Variants in ZNF714 observed in about 807,000 individuals in gnomAD.
ZNF714 encodes zinc finger protein 714.
ZNF714 carries 32 observed loss-of-function variants against 46.2 expected under a neutral mutation model. The ratio of observed to expected loss-of-function variants is 0.69; its 90% CI spans 0.52 to 0.93. ZNF714 has a LOEUF of 0.93. Among genes scored for constraint, ZNF714 ranks in the 40% least tolerant of loss-of-function variants. The pLI is 0.00. For missense variants in ZNF714, 635 were observed against 646.3 expected, an observed-to-expected ratio of 0.98 and a Z score of 0.19; for synonymous variants, 199 against 213.1, an observed-to-expected ratio of 0.93 and a Z score of 0.58.
Position 21,122,233 on chromosome 19 carries a change from CA to C in ZNF714, c.*3904del, listed in dbSNP as rs1163029303. On this transcript the variant is annotated 3_prime_UTR_variant, in exon 5 of 5. Coordinates refer to ENST00000456283, the MANE Select transcript of ZNF714 (RefSeq NM_182515.4). ...GTAATCGATGCTCCATAATAATTCA[CA>C]AATATTCCTGCTGGAGTTAGTTTGT... 6 of 152,164 alleles carry C rather than the reference CA, an allele frequency of 3.9e-5. No individual in the cohort carries two copies. The highest frequency in any genetic ancestry group is 1.4e-4 in the African/African-American group (6 of 41,436). 9.4% of individuals were successfully genotyped at this position (152,164 alleles called of 1,614,324 possible). A position where few individuals can be genotyped will look rare whatever the true frequency, so the allele number is the denominator to read the frequency against.
In ZNF714 at chr19:21,124,154, G is replaced by C. The variant is rs1474573781; in HGVS notation, c.*5822G>C. ...CAATGTGCTGGGTCCAAACCATGCT[G>C]TTAAATATCAGAGTTCCTATGGTTA... On this transcript the variant is annotated 3_prime_UTR_variant, in exon 5 of 5. Transcript: ENST00000456283. 6.6e-6 allele frequency: 1 copy of C among 152,150 alleles called. No homozygotes were observed. The highest frequency in any genetic ancestry group is 1.5e-5 in the Non-Finnish European group (1 of 68,036). 9.4% of individuals were successfully genotyped at this position (152,150 alleles called of 1,614,324 possible).
rs1441133810 is a variant in ZNF714, at chr19:21,123,684, A to T, written c.*5352A>T. 6.6e-6 allele frequency: 1 copy of T among 152,206 alleles called. No homozygotes were observed. Among genetic ancestry groups the T allele is most frequent in the Non-Finnish European group, 1.5e-5 (1 of 68,032 alleles). 9.4% of individuals were successfully genotyped at this position (152,206 alleles called of 1,614,324 possible). Reference sequence around the variant, plus strand: ...ATTTAATTTTCTATGATATAATTACAGCACAATTTACATTTCCGTGCAGAA... The same window carrying T: ...ATTTAATTTTCTATGATATAATTACTGCACAATTTACATTTCCGTGCAGAA... On this transcript the variant is annotated 3_prime_UTR_variant, in exon 5 of 5. Transcript: ENST00000456283.
At chr19:21,115,744 GTATC>G (rs768622216) in intron 4 of ZNF714, among the ~76,000 whole-genome samples, 1 of 151,430 alleles carries the variant, frequency 6.6e-6, no homozygotes, top group East Asian at 1.9e-4. Flanking sequence ...ATCTTTGTGT[GTATC>G]CTAATTGTTT....
intron 2 of ZNF714, among the ~76,000 whole-genome samples, chr19:21,086,699 A>G (rs1251322658): frequency 1.3e-5 from 2 of 152,178 alleles, no homozygotes; most frequent in East Asian, 1.9e-4. Flanking sequence ...TAGAATGCCT[A>G]ACCATCCAGG....
At chr19:21,107,779 T>G (rs577668002) in intron 4 of ZNF714, among the ~76,000 whole-genome samples, 2 of 152,318 alleles carry the variant, frequency 1.3e-5, no homozygotes, top group Admixed American at 1.3e-4. Context: ...TGCCCAGCCT[T>G]CCTAAATGCT....
At chr19:21,115,740 G>A (rs1599554436) in intron 4 of ZNF714, among the ~76,000 whole-genome samples, 1 of 151,590 alleles carries the variant, frequency 6.6e-6, no homozygotes, top group Middle Eastern at 3.4e-3. Flanking sequence ...AAATATCTTT[G>A]TGTGTATCCT....
rs968375020 is a variant in ZNF714 at position 21,119,172 on chromosome 19, A to G, written c.*840A>G. ...ATAATCCCAGCACTTTGGTAGGCCAAGGCAGGTGGATCATGAGGTCAGGAG... is the reference window on the plus strand; with the variant it reads ...ATAATCCCAGCACTTTGGTAGGCCAGGGCAGGTGGATCATGAGGTCAGGAG... On this transcript the variant is annotated 3_prime_UTR_variant, in exon 5 of 5. Coordinates refer to ENST00000456283, the MANE Select transcript of ZNF714 (RefSeq NM_182515.4). 1.6e-5 allele frequency: 7 copies of G among 436,318 alleles called. No individual in the cohort carries two copies. Among genetic ancestry groups the G allele is most frequent in the Non-Finnish European group, 2.7e-5 (6 of 219,936 alleles). The allele number at this position is 436,318 out of a possible 1,614,324, so 27.0% of individuals were successfully genotyped here. A position where few individuals can be genotyped will look rare whatever the true frequency, so the allele number is the denominator to read the frequency against.
In ZNF714 at chr19:21,117,064, A is replaced by G. The variant is rs1194776439; in HGVS notation, c.400A>G (p.Arg134Gly). ...CTTTCATAAAATTTTCAATTCAAAT[A>G]GACACAAGACAAGACATACTGGAGA... ...KVFHKIFNSN[R>G]HKTRHTGEKP... Residue 134 changes from arginine to glycine, a missense_variant, in exon 5 of 5, where the codon AGA becomes GGA. Arg to Gly is a moderately radical substitution (Grantham distance 125, BLOSUM62 -2). Transcript: ENST00000456283. The G allele has an allele frequency of 1.2e-6, 2 of 1,613,040 alleles. No individual in the cohort carries two copies. Among genetic ancestry groups the G allele is most frequent in the African/African-American group, 1.3e-5 (1 of 74,878 alleles).
chr19:21,101,662 A>G (rs896558189), intron 4 of ZNF714, among the ~76,000 whole-genome samples: 6 of 152,164 alleles, frequency 3.9e-5, no homozygotes, highest in African/African-American at 1.2e-4. Context: ...TTCAGGGACT[A>G]CAGTAAAAAC....
rs1969688002 is a variant in ZNF714 at position 21,120,561 on chromosome 19, C to T, written c.*2229C>T. 6.6e-6 allele frequency: 1 copy of T among 151,888 alleles called. No individual in the cohort carries two copies. Among genetic ancestry groups the T allele is most frequent in the African/African-American group, 2.4e-5 (1 of 41,348 alleles). 9.4% of individuals were successfully genotyped at this position (151,888 alleles called of 1,614,324 possible). On this transcript the variant is annotated 3_prime_UTR_variant, in exon 5 of 5. Transcript: ENST00000456283. Reference sequence around the variant, plus strand: ...AATTTAGTTTATCATACTAATTGTACTTTTATATAAGATGCAGTACATTTT... The same window carrying T: ...AATTTAGTTTATCATACTAATTGTATTTTTATATAAGATGCAGTACATTTT...
chr19:21,100,993 G>A (rs1231532744), intron 4 of ZNF714, among the ~76,000 whole-genome samples: 1 of 152,118 alleles, frequency 6.6e-6, no homozygotes, highest in African/African-American at 2.4e-5. Context: ...ACAGGTGTGA[G>A]CCACCAAGCC....
At chr19:21,089,633 G>A (rs1334273939) in intron 2 of ZNF714, among the ~76,000 whole-genome samples, 5 of 152,208 alleles carry the variant, frequency 3.3e-5, no homozygotes, top group Non-Finnish European at 7.3e-5. Flanking sequence ...GGACATGACT[G>A]AGCACTTTGC....
At chr19:21,100,732 A>G (rs1490289239) in intron 4 of ZNF714, among the ~76,000 whole-genome samples, 4 of 152,064 alleles carry the variant, frequency 2.6e-5, no homozygotes, top group African/African-American at 7.2e-5. Flanking sequence ...GTTGTTCAAG[A>G]CAGAGTCTCA....
At chr19:21,110,712 A>C (rs967602603) in intron 4 of ZNF714, among the ~76,000 whole-genome samples, 1 of 152,064 alleles carries the variant, frequency 6.6e-6, no homozygotes, top group African/African-American at 2.4e-5. Context: ...GGGTTCTTGT[A>C]GTTTTGGGTT....
chr19:21,083,066 T>C (rs1341569306), intron 1 of ZNF714, among the ~76,000 whole-genome samples: 1 of 152,096 alleles, frequency 6.6e-6, no homozygotes, highest in Non-Finnish European at 1.5e-5. Flanking sequence ...AGATGGAGTT[T>C]CGCTCTTGTT....
In ZNF714 at chr19:21,117,517, T is replaced by G; in HGVS notation, c.853T>G (p.Tyr285Asp). The change falls in exon 5 of 5, where the codon TAC becomes GAC. Residue 285 changes from tyrosine to aspartate, a missense_variant. By Grantham distance (160) the Tyr-to-Asp change is radical. Coordinates refer to ENST00000456283, the MANE Select transcript of ZNF714 (RefSeq NM_182515.4). ...GTTCATTCATGTTAAAGAAAAACCC[T>G]ACAAATGTGAAGAATGTGACAAAGC... is the stretch of plus-strand genomic sequence containing the variant. ...HKFIHVKEKP[Y>D]KCEECDKAFN... 1 of 1,607,758 alleles carries G rather than the reference T, an allele frequency of 6.2e-7. No homozygotes were observed. The highest frequency in any genetic ancestry group is 8.5e-7 in the Non-Finnish European group (1 of 1,176,488).
At chr19:21,095,850 C>T (rs558164216) in intron 2 of ZNF714, among the ~76,000 whole-genome samples, 1 of 152,304 alleles carries the variant, frequency 6.6e-6, no homozygotes, top group African/African-American at 2.4e-5. Flanking sequence ...GGTCTGATCA[C>T]CCCAAGAGGT....
At chr19:21,111,809 G>A (rs572175322) in intron 4 of ZNF714, among the ~76,000 whole-genome samples, 13 of 152,140 alleles carry the variant, frequency 8.5e-5, no homozygotes, top group African/African-American at 2.9e-4. Context: ...GAATTTGATC[G>A]AAGGCCTTTT....
chr19:21,117,228 T>C lies in ZNF714; in HGVS notation c.564T>C (p.Leu188=), dbSNP rs757993404. 1.7e-5 allele frequency: 28 copies of C among 1,614,046 alleles called. No individual in the cohort carries two copies. Among genetic ancestry groups the C allele is most frequent in the Non-Finnish European group, 2.4e-5 (28 of 1,179,962 alleles). Residue 188 remains leucine (L), a synonymous_variant, in exon 5 of 5, where the codon CTT becomes CTC. Coordinates refer to ENST00000456283, the MANE Select transcript of ZNF714 (RefSeq NM_182515.4). The part of the protein sequence containing the change: ...CDKVFKRFST[L]TRHKRVHTGE... ...AAGTGTTTAAGCGGTTCTCAACCCT[T>C]ACTAGACACAAGAGAGTTCATACTG...
Sources: allele counts gnomAD v4.1 joint callset (sites outside exome capture counted in the v4.1 genomes callset), GRCh38; gene constraint gnomAD v4.1.1; transcripts MANE v1.5; gene names NCBI Gene and HGNC (gene_info 2026-07-23, HGNC 2026-07-21).